The following BCL2L1 variants were observed in gnomAD, a reference collection of about 807,000 sequenced individuals.
BCL2L1 encodes the protein BCL2 like 1.
A neutral mutation model predicts 18.7 loss-of-function variants in BCL2L1; 1 was observed. The observed-to-expected ratio is 0.05, with a 90% CI of 0.02 to 0.25. The LOEUF is 0.25. Among genes scored for constraint, BCL2L1 ranks in the 10% least tolerant of loss-of-function variants. The pLI is 1.00. For missense variants in BCL2L1, 207 were observed against 304.9 expected (o/e 0.68, Z 2.39); for synonymous variants, 103 against 122.7 (o/e 0.84, Z 1.06).
At chr20:31,720,727 T>C (rs1314399002) in intron 2 of BCL2L1, 23 of 984,384 alleles carry the variant, frequency 2.3e-5, no homozygotes, top group Non-Finnish European at 2.8e-5. Flanking sequence ...ACCCAGCCTG[T>C]CCAAGGTCAC....
chr20:31,712,553 G>T (rs755375628), intron 2 of BCL2L1, among the ~76,000 whole-genome samples: 8 of 152,118 alleles, frequency 5.3e-5, no homozygotes, highest in Non-Finnish European at 7.4e-5. Context: ...CTGGGACATG[G>T]GTGTCCCATG....
intron 2 of BCL2L1, among the ~76,000 whole-genome samples, chr20:31,719,916 T>TAG (rs1466145836): frequency 6.6e-6 from 1 of 152,206 alleles, no homozygotes; most frequent in African/African-American, 2.4e-5. Flanking sequence ...TCAGAGGGTG[T>TAG]GTCTGCAGTA....
At chr20:31,699,673 C>T (rs903963718) in intron 2 of BCL2L1, among the ~76,000 whole-genome samples, 1 of 152,216 alleles carries the variant, frequency 6.6e-6, no homozygotes, top group South Asian at 2.1e-4. Flanking sequence ...GCTTTAGAGC[C>T]AGCCCAATCT....
rs1785815351 is a variant in BCL2L1, at chr20:31,722,311, TC to T, written c.-94del. 4.1e-6 allele frequency: 4 copies of T among 964,664 alleles called. No homozygotes were observed. Among genetic ancestry groups the T allele is most frequent in the Non-Finnish European group, 4.3e-6 (3 of 700,250 alleles). The allele number at this position is 964,664 out of a possible 1,614,324, so 59.8% of individuals were successfully genotyped here. A position where few individuals can be genotyped will look rare whatever the true frequency, so the allele number is the denominator to read the frequency against. ...TCTGGTTAGTGATTCTCTTCTAAGA[TC>T]CAAAGCCAAGATAAGATTCTGAAGG... On this transcript the variant is annotated 5_prime_UTR_variant, in exon 2 of 3. Coordinates refer to ENST00000307677, the MANE Select transcript of BCL2L1 (RefSeq NM_138578.3).
At chr20:31,676,065 G>C (rs1028071503) in intron 2 of BCL2L1, among the ~76,000 whole-genome samples, 1 of 152,324 alleles carries the variant, frequency 6.6e-6, no homozygotes, top group East Asian at 1.9e-4. Context: ...ATCAGGCCTA[G>C]CAGTGCGAGT....
chr20:31,670,967 C>T (rs1307492863), intron 2 of BCL2L1, among the ~76,000 whole-genome samples: 7 of 152,166 alleles, frequency 4.6e-5, no homozygotes, highest in Non-Finnish European at 7.3e-5. Flanking sequence ...TGGTTTTAAC[C>T]AGGCTGGCAT....
At chr20:31,694,286 C>T (rs2061132310) in intron 2 of BCL2L1, among the ~76,000 whole-genome samples, 1 of 148,102 alleles carries the variant, frequency 6.8e-6, no homozygotes, top group Admixed American at 6.9e-5. Context: ...TTGCTGGTGG[C>T]AGCTTGGAGC....
chr20:31,699,916 G>T (rs2061248193), intron 2 of BCL2L1, among the ~76,000 whole-genome samples: 1 of 152,154 alleles, frequency 6.6e-6, no homozygotes, highest in Non-Finnish European at 1.5e-5. Context: ...GAGGAGATTT[G>T]AAAGATCACC....
chr20:31,719,716 G>A (rs949409002), intron 2 of BCL2L1, among the ~76,000 whole-genome samples: 1 of 152,174 alleles, frequency 6.6e-6, no homozygotes, highest in African/African-American at 2.4e-5. Context: ...TCTTTCATAT[G>A]CACCACTGGG....
chr20:31,665,986 C>G lies in BCL2L1; in HGVS notation c.665G>C (p.Gly222Ala). ...RWFLTGMTVA[G>A]VVLLGSLFSR... Reference sequence around the variant, plus strand: ...GAAGAGTGAGCCCAGCAGAACCACGCCGGCCACAGTCATGCCCGTCAGGAA... The same window carrying G: ...GAAGAGTGAGCCCAGCAGAACCACGGCGGCCACAGTCATGCCCGTCAGGAA... The change falls in exon 3 of 3, where the codon GGC (glycine) becomes GCC (alanine). Residue 222 changes from glycine to alanine, a missense_variant. Gly to Ala is a moderately conservative substitution (Grantham distance 60, BLOSUM62 0). Transcript: ENST00000307677. 6.2e-7 allele frequency: 1 copy of G among 1,614,056 alleles called. No individual in the cohort carries two copies. The highest frequency in any genetic ancestry group is 8.5e-7 in the Non-Finnish European group (1 of 1,180,024).
chr20:31,702,895 G>A (rs1237605168), intron 2 of BCL2L1, among the ~76,000 whole-genome samples: 5 of 140,844 alleles, frequency 3.6e-5, no homozygotes, highest in East Asian at 2.4e-4. Context: ...GCAGTGAGCC[G>A]AAATGACACT....
At chr20:31,679,748 C>G (rs960535967) in intron 2 of BCL2L1, among the ~76,000 whole-genome samples, 1 of 152,260 alleles carries the variant, frequency 6.6e-6, no homozygotes, top group African/African-American at 2.4e-5. Context: ...ACTGCAACCT[C>G]TGCCTCCTGG....
intron 2 of BCL2L1, among the ~76,000 whole-genome samples, chr20:31,703,591 A>C (rs1238972560): frequency 1.3e-5 from 2 of 150,956 alleles, no homozygotes; most frequent in African/African-American, 4.9e-5. Context: ...TCCTGGGTTC[A>C]AGTGATTCTC....
chr20:31,679,215 A>AG (rs1303266990), intron 2 of BCL2L1, among the ~76,000 whole-genome samples: 1 of 152,124 alleles, frequency 6.6e-6, no homozygotes, highest in Non-Finnish European at 1.5e-5. Context: ...ATGTCGAGGG[A>AG]GGGGGCACCC....
intron 2 of BCL2L1, among the ~76,000 whole-genome samples, chr20:31,671,486 A>G (rs988056865): frequency 7.2e-5 from 11 of 151,956 alleles, no homozygotes; most frequent in African/African-American, 1.7e-4. Flanking sequence ...ACCAACCCCT[A>G]CTAAGCCTAT....
At chr20:31,668,997 C>T (rs905617485) in intron 2 of BCL2L1, among the ~76,000 whole-genome samples, 3 of 152,008 alleles carry the variant, frequency 2.0e-5, no homozygotes, top group Admixed American at 6.6e-5. Flanking sequence ...CTCCTGATTA[C>T]AGGAACTACA....
At chr20:31,701,583 A>T (rs2061278162) in intron 2 of BCL2L1, among the ~76,000 whole-genome samples, 1 of 152,190 alleles carries the variant, frequency 6.6e-6, no homozygotes, top group African/African-American at 2.4e-5. Context: ...ACTCTTTGTA[A>T]AACAGAGCAA....
chr20:31,689,193 C>T (rs1255269668), intron 2 of BCL2L1, among the ~76,000 whole-genome samples: 5 of 104,896 alleles, frequency 4.8e-5, no homozygotes, highest in South Asian at 3.6e-4. Flanking sequence ...GCCTGGGCAA[C>T]GTGGCAAGAC....
At chr20:31,716,599 T>G (rs1297148230) in intron 2 of BCL2L1, 1 of 152,218 alleles carries the variant, frequency 6.6e-6, no homozygotes, top group Non-Finnish European at 1.5e-5. Flanking sequence ...TTCAGAAATT[T>G]AGTGGGTTTC....
Sources: gnomAD v4.1 joint callset for allele counts (sites outside exome capture counted in the v4.1 genomes callset) on GRCh38, gnomAD v4.1.1 for gene constraint, MANE v1.5 for transcripts, NCBI Gene and HGNC (gene_info 2026-07-23, HGNC 2026-07-21) for gene names.